The following EXT2 variants were observed in gnomAD, a reference collection of about 807,000 sequenced individuals.
The protein encoded by EXT2 is exostosin-2.
EXT2 carries 53 observed loss-of-function variants against 81.6 expected under a neutral mutation model. The ratio of observed to expected loss-of-function variants is 0.65; its 90% CI spans 0.52 to 0.82. The LOEUF (loss-of-function observed/expected upper bound fraction) is 0.82. EXT2 is among the 40% of genes least tolerant of loss of function. The pLI, the probability that EXT2 is intolerant of heterozygous loss-of-function variation, is 0.00. For missense variants in EXT2, 774 were observed against 910.2 expected (o/e 0.85, Z 1.93); for synonymous variants, 320 against 340.0 (o/e 0.94, Z 0.65).
chr11:44,189,045 G>A (rs1357388865), intron 8 of EXT2, among the ~76,000 whole-genome samples: 1 of 152,174 alleles, frequency 6.6e-6, no homozygotes, highest in African/African-American at 2.4e-5. Context: ...AGCAGCTGTA[G>A]GAAAAAGAGA....
At chr11:44,237,580 G>T (rs1296903277) in intron 13 of EXT2, among the ~76,000 whole-genome samples, 1 of 152,066 alleles carries the variant, frequency 6.6e-6, no homozygotes, top group Non-Finnish European at 1.5e-5. Context: ...ATTGTCTGTG[G>T]TTGGGGAAAA....
chr11:44,244,305 G>T lies in EXT2; in HGVS notation c.*18G>T. On this transcript the variant is annotated 3_prime_UTR_variant, in exon 14 of 14. Transcript: ENST00000533608. ...GCTTATGAAACGTGTCATTGGTGGAGGTCTGAATGTGAGGCTGGGACAGAG... is the reference window on the plus strand; with the variant it reads ...GCTTATGAAACGTGTCATTGGTGGATGTCTGAATGTGAGGCTGGGACAGAG... 1 of 1,613,896 alleles carries T rather than the reference G, an allele frequency of 6.2e-7. No individual in the cohort carries two copies. Among genetic ancestry groups the T allele is most frequent in the South Asian group, 1.1e-5 (1 of 91,060 alleles).
chr11:44,239,539 C>T (rs78172118), intron 13 of EXT2, among the ~76,000 whole-genome samples: 1 of 151,722 alleles, frequency 6.6e-6, no homozygotes, highest in Admixed American at 6.6e-5. Context: ...ACTACAGGCA[C>T]GTGGCACCGT....
chr11:44,158,548 A>T (rs1434966430), intron 7 of EXT2, among the ~76,000 whole-genome samples: 1 of 142,904 alleles, frequency 7.0e-6, no homozygotes, highest in Non-Finnish European at 1.5e-5. Flanking sequence ...TAATAAATTA[A>T]TTTAATTTTA....
intron 1 of EXT2, among the ~76,000 whole-genome samples, chr11:44,105,715 C>A (rs1025782169): frequency 6.6e-6 from 1 of 152,146 alleles, no homozygotes; most frequent in African/African-American, 2.4e-5. Context: ...AAACAGTATC[C>A]GGGAATCATA....
At chr11:44,239,258 C>A (rs948137562) in intron 13 of EXT2, among the ~76,000 whole-genome samples, 12 of 151,978 alleles carry the variant, frequency 7.9e-5, no homozygotes, top group Admixed American at 7.2e-4. Flanking sequence ...GGAGGAGATG[C>A]TGATTAGGGG....
chr11:44,173,786 T>G (rs1955113795), intron 8 of EXT2, among the ~76,000 whole-genome samples: 1 of 151,904 alleles, frequency 6.6e-6, no homozygotes, highest in Non-Finnish European at 1.5e-5. Context: ...GCCAGGATGG[T>G]CTCATCTCCT....
intron 8 of EXT2, among the ~76,000 whole-genome samples, chr11:44,184,700 G>A (rs978978446): frequency 2.6e-5 from 4 of 152,130 alleles, no homozygotes; most frequent in Non-Finnish European, 5.9e-5. Context: ...GCAGTGAGCC[G>A]AGATGGTGCC....
At chr11:44,185,213 C>G (rs898819158) in intron 8 of EXT2, among the ~76,000 whole-genome samples, 1 of 152,216 alleles carries the variant, frequency 6.6e-6, no homozygotes, top group Non-Finnish European at 1.5e-5. Context: ...GCGTTAAAAC[C>G]AACTACATTG....
chr11:44,210,731 T>C (rs1190436892), intron 10 of EXT2, among the ~76,000 whole-genome samples: 1 of 152,142 alleles, frequency 6.6e-6, no homozygotes, highest in Non-Finnish European at 1.5e-5. Context: ...GCATAAAAAC[T>C]GAAATACTTG....
chr11:44,246,759 C>T lies in EXT2; in HGVS notation c.*2472C>T, dbSNP rs190991346. ...GGGCTAGGGACTCCACTTTATTGTT[C>T]GTGTATTTCTGAGCTGCTAACCAGC... On this transcript the variant is annotated 3_prime_UTR_variant, in exon 14 of 14. Transcript: ENST00000533608. Among the ~76,000 whole-genome samples, 1 of 152,300 alleles carries T rather than the reference C, an allele frequency of 6.6e-6. No homozygotes were observed. The highest frequency in any genetic ancestry group is 1.9e-4 in the East Asian group (1 of 5,184).
intron 13 of EXT2, among the ~76,000 whole-genome samples, chr11:44,239,502 C>G (rs1294809972): frequency 1.3e-5 from 2 of 149,658 alleles, no homozygotes; most frequent in African/African-American, 2.5e-5. Flanking sequence ...AAGTGATTCT[C>G]CTGCCTCCAC....
chr11:44,240,654 T>C (rs1356444259), intron 13 of EXT2, among the ~76,000 whole-genome samples: 1 of 152,198 alleles, frequency 6.6e-6, no homozygotes, highest in Non-Finnish European at 1.5e-5. Flanking sequence ...AGTTAGTGAA[T>C]GTAAACTATG....
At chr11:44,238,810 G>C (rs966278168) in intron 13 of EXT2, among the ~76,000 whole-genome samples, 2 of 152,190 alleles carry the variant, frequency 1.3e-5, no homozygotes, top group African/African-American at 4.8e-5. Flanking sequence ...AAGGGTGCCT[G>C]ATCAGCAAGT....
chr11:44,126,315 ACT>A (rs1475349167), intron 5 of EXT2, among the ~76,000 whole-genome samples: 1 of 152,232 alleles, frequency 6.6e-6, no homozygotes, highest in Non-Finnish European at 1.5e-5. Context: ...TAAAAAGCAC[ACT>A]GTTAGATGCT....
intron 4 of EXT2, 134 bp from the exon 5 acceptor site, chr11:44,124,655 A>G (rs1954370943): frequency 7.0e-6 from 5 of 719,292 alleles, no homozygotes; most frequent in Non-Finnish European, 2.5e-6. Context: ...ACTACAGAAG[A>G]TAATTTTAAA....
At position 44,180,748 on chromosome 11, in the gene EXT2, T is replaced by C. The variant is rs139560876; in HGVS notation, c.1305+9006T>C. Among the ~76,000 whole-genome samples the C allele has an allele frequency of 4.8e-3, 727 of 152,318 alleles. 5 individuals carry two copies. The highest frequency in any genetic ancestry group is 0.031 in the East Asian group (159 of 5,186). On this transcript the variant is annotated intron_variant, in intron 8 of 13. Coordinates refer to ENST00000533608, the MANE Select transcript of EXT2 (RefSeq NM_207122.2). ...ACATCTTTCTCTGTTTTGGTTTTTT[T>C]CCAAAAGCTTCTTAAGAAATGGATG...
intron 7 of EXT2, among the ~76,000 whole-genome samples, chr11:44,133,056 GTC>G (rs1171973290): frequency 6.6e-6 from 1 of 152,142 alleles, no homozygotes; most frequent in African/African-American, 2.4e-5. Context: ...CACCAAAAAT[GTC>G]TCTAGAACAT....
intron 4 of EXT2, among the ~76,000 whole-genome samples, chr11:44,118,757 A>T (rs1015450457): frequency 6.6e-6 from 1 of 152,106 alleles, no homozygotes; most frequent in Non-Finnish European, 1.5e-5. Flanking sequence ...GAGATCATCT[A>T]CATAAGCCCC....
Sources: allele counts gnomAD v4.1 joint callset (sites outside exome capture counted in the v4.1 genomes callset), GRCh38; gene constraint gnomAD v4.1.1; transcripts MANE v1.5; gene names NCBI Gene and HGNC (gene_info 2026-07-23, HGNC 2026-07-21).